ROBO1: variants seen among roughly 807,000 people sequenced by gnomAD.
ROBO1 encodes roundabout guidance receptor 1.
A neutral mutation model predicts 195.9 loss-of-function variants in ROBO1; 149 were observed. The observed-to-expected ratio is 0.76, with a 90% CI of 0.67 to 0.87. ROBO1 has a LOEUF of 0.87. ROBO1 is among the 40% of genes least tolerant of loss of function. ROBO1 has a pLI of 0.00. For synonymous variants in ROBO1, 816 were observed against 733.2 expected (o/e 1.11, Z -1.82); for missense variants, 1,933 against 2,068.3 (o/e 0.93, Z 1.27).
chr3:79,062,163 C>A (rs1052528393), intron 3 of ROBO1, among the ~76,000 whole-genome samples: 6 of 151,796 alleles, frequency 4.0e-5, no homozygotes, highest in African/African-American at 1.5e-4. Flanking sequence ...AGAAAAAAAA[C>A]AAACCCATCA....
intron 21 of ROBO1, among the ~76,000 whole-genome samples, chr3:78,643,782 A>G (rs2107581210): frequency 6.6e-6 from 1 of 152,298 alleles, no homozygotes; most frequent in South Asian, 2.1e-4. Context: ...ATTAGCAGGA[A>G]ATAATGCTAA....
chr3:79,623,083 G>T (rs1030892411), intron 1 of ROBO1, among the ~76,000 whole-genome samples: 3 of 152,080 alleles, frequency 2.0e-5, no homozygotes, highest in African/African-American at 7.2e-5. Flanking sequence ...TGCAGAAGAG[G>T]GACCTGACCA....
chr3:79,765,834 CTCCT>C (rs1704955761), intron 1 of ROBO1, among the ~76,000 whole-genome samples: 1 of 152,136 alleles, frequency 6.6e-6, no homozygotes. Flanking sequence ...TGCATCTACG[CTCCT>C]TCCTCTGTGC....
chr3:79,409,886 T>C (rs2106845837), intron 2 of ROBO1, among the ~76,000 whole-genome samples: 1 of 152,278 alleles, frequency 6.6e-6, no homozygotes, highest in Admixed American at 6.5e-5. Context: ...GCTGCATTCT[T>C]ACCATCTCAC....
chr3:79,607,454 C>G (rs1048703857), intron 1 of ROBO1, among the ~76,000 whole-genome samples: 1 of 151,574 alleles, frequency 6.6e-6, no homozygotes, highest in African/African-American at 2.4e-5. Flanking sequence ...ATAAGACTAA[C>G]TTAAGGGTAT....
chr3:79,507,639 T>G (rs1940473134), intron 2 of ROBO1, among the ~76,000 whole-genome samples: 1 of 152,210 alleles, frequency 6.6e-6, no homozygotes, highest in South Asian at 2.1e-4. Context: ...TCTGTGTATA[T>G]CCACATTTTA....
intron 3 of ROBO1, among the ~76,000 whole-genome samples, chr3:78,956,950 T>G (rs1441926972): frequency 1.3e-5 from 2 of 152,052 alleles, no homozygotes; most frequent in Non-Finnish European, 2.9e-5. Context: ...AATTCTAGCT[T>G]AAAAGACAGA....
At chr3:79,140,634 A>AT (rs893108237) in intron 2 of ROBO1, among the ~76,000 whole-genome samples, 3 of 152,274 alleles carry the variant, frequency 2.0e-5, no homozygotes, top group East Asian at 1.9e-4. Context: ...GATCATCTAT[A>AT]TTTTTTAACA....
chr3:79,438,675 G>T (rs1319874467), intron 2 of ROBO1, among the ~76,000 whole-genome samples: 2 of 151,934 alleles, frequency 1.3e-5, no homozygotes, highest in East Asian at 1.9e-4. Flanking sequence ...ATAGCAAATT[G>T]GTTTTATCCC....
rs115861067 is a variant in ROBO1, at chr3:79,066,141, G to A, written c.172+59315C>T. Among the ~76,000 whole-genome samples, 992 of 151,938 alleles carry A rather than the reference G, an allele frequency of 6.5e-3. 15 individuals carry two copies. Among genetic ancestry groups the A allele is most frequent in the African/African-American group, 0.023 (946 of 41,500 alleles). On this transcript the variant is annotated intron_variant, in intron 3 of 30. Transcript: ENST00000464233. ...AACATGAGAGAGTCTGTAGGTCAGC[G>A]GAGCCCTAAAAGACGTTAAGTTTTT...
At chr3:78,947,564 A>T (rs1313449498) in intron 3 of ROBO1, among the ~76,000 whole-genome samples, 1 of 152,110 alleles carries the variant, frequency 6.6e-6, no homozygotes, top group Non-Finnish European at 1.5e-5. Context: ...GCCCACAAGG[A>T]AAAGTAGGAA....
At chr3:79,293,824 C>T (rs963756991) in intron 2 of ROBO1, among the ~76,000 whole-genome samples, 23 of 151,664 alleles carry the variant, frequency 1.5e-4, no homozygotes, top group African/African-American at 4.4e-4. Flanking sequence ...TTTGGGAGGC[C>T]GAGGTGGGCG....
chr3:79,515,995 C>T (rs1940927429), intron 2 of ROBO1, among the ~76,000 whole-genome samples: 1 of 152,068 alleles, frequency 6.6e-6, no homozygotes, highest in African/African-American at 2.4e-5. Context: ...AAAGCTTTAA[C>T]AAGGAAAAGG....
chr3:79,562,164 A>G (rs896632400), intron 2 of ROBO1, among the ~76,000 whole-genome samples: 4 of 152,136 alleles, frequency 2.6e-5, no homozygotes, highest in African/African-American at 7.2e-5. Context: ...TGTTCTGTCT[A>G]TATAGTCTAT....
rs1039293080 is a variant in ROBO1 at position 78,820,953 on chromosome 3, T to C, written c.500-74053A>G. On this transcript the variant is annotated intron_variant, in intron 4 of 30. Coordinates refer to ENST00000464233, the MANE Select transcript of ROBO1 (RefSeq NM_002941.4). ...AAACTGTGTTGTGATCTTTCTTGAT[T>C]TAAAATGTTTCTAATTACCAAGAAA... is the stretch of plus-strand genomic sequence containing the variant. Among the ~76,000 whole-genome samples, 3 of 152,198 alleles carry C rather than the reference T, an allele frequency of 2.0e-5. No individual in the cohort carries two copies. The South Asian group carries it at 6.2e-4, about 31-fold the overall frequency.
chr3:79,481,700 C>CA (rs1938869379), intron 2 of ROBO1, among the ~76,000 whole-genome samples: 1 of 152,122 alleles, frequency 6.6e-6, no homozygotes, highest in African/African-American at 2.4e-5. Context: ...CTCTAGTTGT[C>CA]ATTTTGTCCC....
chr3:78,854,537 G>A (rs958955693), intron 4 of ROBO1, among the ~76,000 whole-genome samples: 1 of 151,102 alleles, frequency 6.6e-6, no homozygotes, highest in African/African-American at 2.4e-5. Context: ...ATTAAGAAGG[G>A]CTTTCTTTGT....
chr3:78,841,944 C>T (rs1448778520), intron 4 of ROBO1, among the ~76,000 whole-genome samples: 1 of 151,884 alleles, frequency 6.6e-6, no homozygotes, highest in Non-Finnish European at 1.5e-5. Flanking sequence ...TCTTTATAGA[C>T]TGAAAATCTC....
At chr3:79,114,395 TTTTGCTTTCGC>T (rs2079951198) in intron 3 of ROBO1, among the ~76,000 whole-genome samples, 1 of 152,168 alleles carries the variant, frequency 6.6e-6, no homozygotes. Flanking sequence ...ACTAAAAACA[TTTTGCTTTCGC>T]TTTGCAGATA....
Sources: gnomAD v4.1 joint callset for allele counts (sites outside exome capture counted in the v4.1 genomes callset) on GRCh38, gnomAD v4.1.1 for gene constraint, MANE v1.5 for transcripts, NCBI Gene and HGNC (gene_info 2026-07-23, HGNC 2026-07-21) for gene names.